FAP: variants seen among roughly 807,000 people sequenced by gnomAD.
FAP encodes the protein fibroblast activation protein alpha, also known as prolyl endopeptidase FAP.
FAP carries 110 observed loss-of-function variants against 126.5 expected under a neutral mutation model. The ratio of observed to expected loss-of-function variants is 0.87; its 90% CI spans 0.74 to 1.02. The LOEUF (loss-of-function observed/expected upper bound fraction) is 1.02. FAP is among the 50% of genes least tolerant of loss of function. The probability of loss-of-function intolerance (pLI) is 0.00; values close to 1 mark genes in which losing one functional copy is unlikely to be tolerated. For synonymous variants in FAP, 334 were observed against 297.3 expected (o/e 1.12, Z -1.27); for missense variants, 919 against 909.2 (o/e 1.01, Z -0.14).
intron 17 of FAP, chr2:162,193,945 C>T (rs1313818599): frequency 6.6e-6 from 1 of 152,112 alleles, no homozygotes; most frequent in African/African-American, 2.4e-5. Flanking sequence ...AACTCCAACC[C>T]TATAATGTTG....
chr2:162,198,046 G>C, intron 16 of FAP: 1 of 663,230 alleles, frequency 1.5e-6, no homozygotes, highest in Non-Finnish European at 2.2e-6. Flanking sequence ...TCAAGATATA[G>C]ATAAAAGGTT....
chr2:162,225,679 C>T lies in FAP; in HGVS notation c.191-102G>A, dbSNP rs565380160. 1.4e-5 allele frequency: 17 copies of T among 1,203,404 alleles called. No individual in the cohort carries two copies. In the African/African-American group the frequency reaches 2.6e-4, roughly 19 times the overall value. 74.5% of individuals were successfully genotyped at this position (1,203,404 alleles called of 1,614,324 possible). On this transcript the variant is annotated intron_variant, in intron 3 of 25. Transcript: ENST00000188790. ...TATTTCACAGACCTACTTTGTTTTT[C>T]CTCTCTGTCCAGTACATATTGCTTT...
At chr2:162,203,364 C>T (rs1688573207) in intron 12 of FAP, among the ~76,000 whole-genome samples, 1 of 152,152 alleles carries the variant, frequency 6.6e-6, no homozygotes, top group Non-Finnish European at 1.5e-5. Flanking sequence ...CACTGCTTGG[C>T]TGCTACTGCA....
At chr2:162,190,106 T>A (rs775874134) in intron 17 of FAP, among the ~76,000 whole-genome samples, 13 of 152,050 alleles carry the variant, frequency 8.5e-5, no homozygotes, top group Non-Finnish European at 1.5e-4. Flanking sequence ...ATTTCTTTTA[T>A]CATATACTTA....
chr2:162,221,631 G>A, intron 6 of FAP: 1 of 456,278 alleles, frequency 2.2e-6, no homozygotes, highest in East Asian at 7.0e-5. Flanking sequence ...TCTACATACA[G>A]TGGAATTATC....
chr2:162,223,673 A>C lies in FAP; in HGVS notation c.361-13T>G. 6.2e-7 allele frequency: 1 copy of C among 1,601,804 alleles called. No homozygotes were observed. The highest frequency in any genetic ancestry group is 8.6e-7 in the Non-Finnish European group (1 of 1,169,238). ...AGTATCTCCAAAGCTGTCAGAAAGA[A>C]GAAAGACAAAAAACAAATTGCAGTT... On this transcript the variant is annotated splice_polypyrimidine_tract_variant and intron_variant, in intron 5 of 25. Transcript: ENST00000188790.
Position 162,236,108 on chromosome 2 carries a change from T to A in FAP, c.91+6800A>T, listed in dbSNP as rs769046702. 9.2e-5 allele frequency among the ~76,000 whole-genome samples: 14 copies of A among 152,368 alleles called. No individual in the cohort carries two copies. In the East Asian group the frequency reaches 2.5e-3, roughly 27 times the overall value. On this transcript the variant is annotated intron_variant, in intron 2 of 25. Transcript: ENST00000188790. ...TTTTCTATTAATAAAGTTTATTAATTGATTTTCAAATGATAAACCAACCTT... is the reference window on the plus strand; with the variant it reads ...TTTTCTATTAATAAAGTTTATTAATAGATTTTCAAATGATAAACCAACCTT...
chr2:162,172,810 C>G lies in FAP; in HGVS notation c.2181+1G>C, dbSNP rs1452379570. The G allele has an allele frequency of 1.1e-5, 17 of 1,609,518 alleles. No homozygotes were observed. Among genetic ancestry groups the G allele is most frequent in the Non-Finnish European group, 1.4e-5 (17 of 1,176,214 alleles). ...AACATGAGTAAAACAAAATTATGTA[C>G]CATTGCCTGGAAATCCACTTGTGCA... On this transcript the variant is annotated splice_donor_variant, in intron 25 of 25. Coordinates refer to ENST00000188790, the MANE Select transcript of FAP (RefSeq NM_004460.5). LOFTEE classifies it high-confidence loss of function.
At chr2:162,235,726 T>C (rs1400485458) in intron 2 of FAP, among the ~76,000 whole-genome samples, 1 of 152,178 alleles carries the variant, frequency 6.6e-6, no homozygotes, top group Non-Finnish European at 1.5e-5. Context: ...GCAGTGGCAC[T>C]CTGCTGGGGT....
intron 6 of FAP, chr2:162,221,643 A>G: frequency 2.2e-6 from 1 of 456,594 alleles, no homozygotes; most frequent in Admixed American, 2.3e-5. Context: ...GGAATTATCT[A>G]TGCAATCACA....
At chr2:162,226,644 T>A in intron 2 of FAP, 23 bp from the exon 3 acceptor site, 1 of 1,267,784 alleles carries the variant, frequency 7.9e-7, no homozygotes, top group South Asian at 1.3e-5. Flanking sequence ...AGCAAATACA[T>A]CCTTATTAAA....
At position 162,243,443 on chromosome 2, in the gene FAP, G is replaced by A. The variant is rs1215857768; in HGVS notation, c.-116C>T. 1 of 1,399,088 alleles carries A rather than the reference G, an allele frequency of 7.1e-7. No homozygotes were observed. Among genetic ancestry groups the A allele is most frequent in the Admixed American group, 2.7e-5 (1 of 36,806 alleles). The allele number at this position is 1,399,088 out of a possible 1,614,324, so 86.7% of individuals were successfully genotyped here. On this transcript the variant is annotated 5_prime_UTR_variant, in exon 1 of 26. Coordinates refer to ENST00000188790, the MANE Select transcript of FAP (RefSeq NM_004460.5). ...CTTTGTAGTTGGAAGCTGAAGCCAG[G>A]ACAAGGTTTTTTTCTTTCCACGGAC...
chr2:162,237,091 C>CA (rs1690165936), intron 2 of FAP, among the ~76,000 whole-genome samples: 1 of 151,896 alleles, frequency 6.6e-6, no homozygotes, highest in Non-Finnish European at 1.5e-5. Flanking sequence ...GCATATTAGT[C>CA]AATTAAAAAG....
chr2:162,221,052 A>C (rs1689367971), intron 6 of FAP, among the ~76,000 whole-genome samples: 1 of 152,158 alleles, frequency 6.6e-6, no homozygotes, highest in Non-Finnish European at 1.5e-5. Context: ...GCCTTGATGT[A>C]ACTTTTTAGG....
intron 21 of FAP, among the ~76,000 whole-genome samples, chr2:162,179,784 A>G (rs867692373): frequency 1.6e-5 from 1 of 64,074 alleles, no homozygotes; most frequent in Middle Eastern, 7.9e-3. Context: ...CTATCTATCT[A>G]TCTATCTATA....
intron 2 of FAP, among the ~76,000 whole-genome samples, chr2:162,235,572 G>C (rs1268623157): frequency 6.6e-6 from 1 of 152,186 alleles, no homozygotes; most frequent in Non-Finnish European, 1.5e-5. Flanking sequence ...CTGGCTCAGG[G>C]ATTGTAAACG....
At chr2:162,204,728 G>A (rs1331014007) in intron 12 of FAP, among the ~76,000 whole-genome samples, 2 of 152,156 alleles carry the variant, frequency 1.3e-5, no homozygotes, top group Non-Finnish European at 1.5e-5. Context: ...ATAAATTTCT[G>A]TTGTTTTAAG....
chr2:162,215,976 C>G lies in FAP; in HGVS notation c.788G>C (p.Arg263Pro). 1 of 1,613,806 alleles carries G rather than the reference C, an allele frequency of 6.2e-7. No homozygotes were observed. The highest frequency in any genetic ancestry group is 8.5e-7 in the Non-Finnish European group (1 of 1,179,882). The part of the protein sequence containing the change: ...PKAGAKNPVV[R>P]IFIIDTTYPA... Reference sequence around the variant, plus strand: ...GTAAGTGGTATCGATAATAAATATCCGAACAACGGGATTCTTAGCTCCAGC... The same window carrying G: ...GTAAGTGGTATCGATAATAAATATCGGAACAACGGGATTCTTAGCTCCAGC... Residue 263 changes from arginine (R) to proline (P), a missense_variant, in exon 10 of 26, where the codon CGG (arginine) becomes CCG (proline). By Grantham distance (103) the Arg-to-Pro change is moderately radical (BLOSUM62 -2). Coordinates refer to ENST00000188790, the MANE Select transcript of FAP (RefSeq NM_004460.5).
chr2:162,202,338 T>TACTA (rs1246016729), intron 14 of FAP, among the ~76,000 whole-genome samples: 1 of 152,278 alleles, frequency 6.6e-6, no homozygotes, highest in Non-Finnish European at 1.5e-5. Flanking sequence ...CCTAGTCTGC[T>TACTA]ACTAACTAAC....
Sources: gnomAD v4.1 joint callset for allele counts (sites outside exome capture counted in the v4.1 genomes callset) on GRCh38, gnomAD v4.1.1 for gene constraint, MANE v1.5 for transcripts, NCBI Gene and HGNC (gene_info 2026-07-23, HGNC 2026-07-21) for gene names.